FIRRM: variants seen among roughly 807,000 people sequenced by gnomAD.
The protein encoded by FIRRM is FIGNL1-interacting regulator of recombination and mitosis.
the FIRRM span, among the ~76,000 whole-genome samples, chr1:169,810,678 A>T: frequency 6.6e-6 from 1 of 152,098 alleles, no homozygotes; most frequent in South Asian, 2.1e-4. Context: ...ATTGGGAGTT[A>T]GAACTTAAAG....
At chr1:169,793,072 T>G in the FIRRM span, 1 of 1,614,160 alleles carries the variant, frequency 6.2e-7, no homozygotes, top group Non-Finnish European at 8.5e-7. Flanking sequence ...CTTTGGACCC[T>G]CCCTTGAATG....
chr1:169,799,154 C>CA, the FIRRM span, among the ~76,000 whole-genome samples: 1 of 152,114 alleles, frequency 6.6e-6, no homozygotes, highest in Non-Finnish European at 1.5e-5. Flanking sequence ...TTTTAAATTA[C>CA]ATTTTGGATA....
the FIRRM span, chr1:169,830,316 A>G: frequency 1.6e-5 from 26 of 1,613,872 alleles, no homozygotes; most frequent in African/African-American, 1.9e-4. Flanking sequence ...TTTGTTAGCT[A>G]TGGATGCATG....
the FIRRM span, chr1:169,851,526 A>C: frequency 3.4e-6 from 1 of 290,660 alleles, no homozygotes; most frequent in Admixed American, 4.9e-5. Flanking sequence ...GCTGGATTTT[A>C]AGTACATGTG....
At chr1:169,848,043 C>T in the FIRRM span, among the ~76,000 whole-genome samples, 1 of 151,946 alleles carries the variant, frequency 6.6e-6, no homozygotes, top group East Asian at 1.9e-4. Context: ...TGTAGTCTAC[C>T]ATATTAGATT....
the FIRRM span, chr1:169,821,801 C>A: frequency 1.5e-6 from 2 of 1,351,892 alleles, no homozygotes; most frequent in Non-Finnish European, 2.1e-6. Context: ...TTGTAGTTCT[C>A]TCAGAAAACG....
chr1:169,842,519 G>A, the FIRRM span: 6 of 1,613,618 alleles, frequency 3.7e-6, no homozygotes, highest in Non-Finnish European at 5.1e-6. Flanking sequence ...TCAGCTTTGG[G>A]CTTTTTTAAA....
At chr1:169,852,169 G>C in the FIRRM span, 1 of 574,052 alleles carries the variant, frequency 1.7e-6, no homozygotes, top group East Asian at 3.1e-5. Flanking sequence ...TAACCTTTAA[G>C]GGAAGTTACA....
chr1:169,821,348 A>G, the FIRRM span, among the ~76,000 whole-genome samples: 1 of 152,128 alleles, frequency 6.6e-6, no homozygotes, highest in African/African-American at 2.4e-5. Context: ...CATCCGTTAA[A>G]TTGATCCCCA....
chr1:169,797,890 TG>T, the FIRRM span, among the ~76,000 whole-genome samples: 2 of 152,184 alleles, frequency 1.3e-5, no homozygotes, highest in African/African-American at 2.4e-5. Flanking sequence ...CTTATGGTGT[TG>T]TTACAGTAAA....
At chr1:169,823,968 A>C in the FIRRM span, among the ~76,000 whole-genome samples, 1 of 152,176 alleles carries the variant, frequency 6.6e-6, no homozygotes, top group Non-Finnish European at 1.5e-5. Flanking sequence ...TCTAAAATTG[A>C]TGGTTTCCTC....
the FIRRM span, among the ~76,000 whole-genome samples, chr1:169,832,109 C>G: frequency 1.3e-5 from 2 of 152,132 alleles, no homozygotes; most frequent in Non-Finnish European, 2.9e-5. Context: ...TTATCTACCT[C>G]TCTACTATTG....
the FIRRM span, among the ~76,000 whole-genome samples, chr1:169,827,425 G>A: frequency 2.0e-5 from 3 of 152,144 alleles, no homozygotes; most frequent in Non-Finnish European, 2.9e-5. Context: ...ATCACCTGAG[G>A]TCAGGAGTTC....
At chr1:169,842,174 C>CAA in the FIRRM span, among the ~76,000 whole-genome samples, 18 of 84,028 alleles carry the variant, frequency 2.1e-4, no homozygotes, top group Non-Finnish European at 2.7e-4. Context: ...GATGCCATCT[C>CAA]AAAAAAAAAA....
chr1:169,850,393 T>C, the FIRRM span: 1 of 1,372,874 alleles, frequency 7.3e-7, no homozygotes, highest in Non-Finnish European at 1.0e-6. Flanking sequence ...CTATTTTTTT[T>C]TTTCCGAAAT....
At chr1:169,804,307 C>G in the FIRRM span, 2 of 1,098,026 alleles carry the variant, frequency 1.8e-6, no homozygotes, top group South Asian at 3.7e-5. Context: ...AAAATTGTCT[C>G]TAATGATTCA....
At chr1:169,792,601 T>G in the FIRRM span, 2 of 1,556,588 alleles carry the variant, frequency 1.3e-6, no homozygotes. Context: ...TAAAAGTTAT[T>G]TCAATTATGA....
chr1:169,786,875 A>G, the FIRRM span, among the ~76,000 whole-genome samples: 6 of 152,288 alleles, frequency 3.9e-5, no homozygotes, highest in Admixed American at 1.3e-4. Flanking sequence ...AGCCTTAGGA[A>G]GATCTGAGAG....
At chr1:169,853,962 A>AAT in the FIRRM span, 1 of 660,060 alleles carries the variant, frequency 1.5e-6, no homozygotes, top group South Asian at 2.1e-5. Flanking sequence ...GGCACTGGAA[A>AAT]ATAGCTTTTC....
Sources: allele counts gnomAD v4.1 joint callset (sites outside exome capture counted in the v4.1 genomes callset), GRCh38; gene constraint gnomAD v4.1.1; transcripts MANE v1.5; gene names NCBI Gene and HGNC (gene_info 2026-07-23, HGNC 2026-07-21).